Variants in DGKB observed in about 807,000 individuals in gnomAD.
The protein encoded by DGKB is diacylglycerol kinase beta, also known as 90 kDa diacylglycerol kinase.
DGKB carries 67 observed loss-of-function variants against 114.3 expected under a neutral mutation model. That is an observed-to-expected ratio of 0.59 (90% CI 0.48 to 0.72). DGKB has a LOEUF of 0.72. DGKB is among the 30% of genes least tolerant of loss of function. DGKB has a pLI of 0.00. For synonymous variants in DGKB, 398 were observed against 323.1 expected (o/e 1.23, Z -2.49); for missense variants, 907 against 975.2 (o/e 0.93, Z 0.93).
In DGKB at chr7:14,698,044, G is replaced by T. The variant is rs75232226; in HGVS notation, c.591+51C>A. The T allele has an allele frequency of 5.2e-3, 4,854 of 934,250 alleles. 165 individuals are homozygous for T. In the African/African-American group the frequency reaches 0.074, roughly 14 times the overall value. The allele number at this position is 934,250 out of a possible 1,614,324, so 57.9% of individuals were successfully genotyped here. On this transcript the variant is annotated intron_variant, in intron 8 of 25. Transcript: ENST00000402815. ...GAAAGAAAGAAAGAAAGAAAAGAAA[G>T]AAAGAGGCCTTCCAGAATTTAGCCA...
chr7:14,583,074 C>G lies in DGKB; in HGVS notation c.1497G>C (p.Val499=). ...RVLACGGDGT[V]GWVLDCIEKA... ...TACCTATGCAATCCAAAACCCAGCC[C>G]ACGGTTCCATCTCCACCACAGGCTA... The change falls in exon 18 of 26, where the codon GTG becomes GTC. Residue 499 remains valine, a synonymous_variant. Coordinates refer to ENST00000402815, the MANE Select transcript of DGKB (RefSeq NM_001350709.2). 1 of 1,613,302 alleles carries G rather than the reference C, an allele frequency of 6.2e-7. No individual in the cohort carries two copies. The highest frequency in any genetic ancestry group is 1.3e-5 in the African/African-American group (1 of 74,954).
intron 1 of DGKB, among the ~76,000 whole-genome samples, chr7:14,900,495 T>C (rs924792006): frequency 2.6e-5 from 4 of 152,126 alleles, no homozygotes; most frequent in African/African-American, 9.7e-5. Context: ...GATCACATCA[T>C]AGTCGTTATC....
intron 21 of DGKB, among the ~76,000 whole-genome samples, chr7:14,461,656 A>G (rs1833098565): frequency 1.3e-5 from 2 of 152,198 alleles, no homozygotes; most frequent in Non-Finnish European, 2.9e-5. Context: ...ACAGATTCAC[A>G]GCCGAATTCT....
chr7:14,666,142 A>G (rs1177323781), intron 13 of DGKB, among the ~76,000 whole-genome samples: 1 of 152,074 alleles, frequency 6.6e-6, no homozygotes, highest in African/African-American at 2.4e-5. Flanking sequence ...CATGATGGCA[A>G]CGACACATGA....
chr7:14,658,253 T>C (rs1188991242), intron 13 of DGKB, among the ~76,000 whole-genome samples: 1 of 151,938 alleles, frequency 6.6e-6, no homozygotes, highest in Non-Finnish European at 1.5e-5. Flanking sequence ...ACTGGGACCA[T>C]TTTAAGTTTC....
rs190470064 is a variant in DGKB, at chr7:14,639,884, C to G, written c.1135-9616G>C. On this transcript the variant is annotated intron_variant, in intron 13 of 25. Transcript: ENST00000402815. Reference sequence around the variant, plus strand: ...GTGCAATTCGATTTAGTAAGGATAGCAAGAACAATTTCATATCCATGTTAC... The same window carrying G: ...GTGCAATTCGATTTAGTAAGGATAGGAAGAACAATTTCATATCCATGTTAC... 2.0e-3 allele frequency among the ~76,000 whole-genome samples: 304 copies of G among 152,248 alleles called. 5 individuals carry two copies. Among genetic ancestry groups the G allele is most frequent in the Admixed American group, 1.6e-3 (25 of 15,286 alleles).
chr7:14,259,407 C>CTCTATA (rs1422240054), intron 23 of DGKB, among the ~76,000 whole-genome samples: 3 of 108,166 alleles, frequency 2.8e-5, no homozygotes, highest in African/African-American at 6.5e-5. Context: ...CTCTCTCTCT[C>CTCTATA]TATATATATA....
chr7:14,687,074 A>C (rs1821831555), intron 9 of DGKB, among the ~76,000 whole-genome samples: 1 of 152,128 alleles, frequency 6.6e-6, no homozygotes. Flanking sequence ...AGGGTTTCCA[A>C]AACGTGATGC....
At chr7:14,592,579 A>T (rs943828821) in intron 17 of DGKB, among the ~76,000 whole-genome samples, 4 of 151,958 alleles carry the variant, frequency 2.6e-5, no homozygotes, top group African/African-American at 9.7e-5. Context: ...TAGAAAACCA[A>T]TTTTTAATAA....
intron 2 of DGKB, among the ~76,000 whole-genome samples, chr7:14,813,847 C>A (rs1232726062): frequency 2.0e-5 from 3 of 151,992 alleles, no homozygotes; most frequent in African/African-American, 7.2e-5. Context: ...TTGGTGTTAT[C>A]TGAAAACTAA....
At chr7:14,269,102 A>C (rs920934022) in intron 23 of DGKB, 5 of 152,252 alleles carry the variant, frequency 3.3e-5, no homozygotes, top group African/African-American at 1.2e-4. Flanking sequence ...TCAGTCCCTC[A>C]GAGGCTATCG....
intron 23 of DGKB, among the ~76,000 whole-genome samples, chr7:14,330,721 A>G (rs1015766814): frequency 6.6e-6 from 1 of 151,982 alleles, no homozygotes; most frequent in Non-Finnish European, 1.5e-5. Flanking sequence ...ATTGTCATCT[A>G]GTGGCTCAGT....
At chr7:14,784,367 C>CTTTT (rs1216046590) in intron 2 of DGKB, among the ~76,000 whole-genome samples, 7 of 129,210 alleles carry the variant, frequency 5.4e-5, no homozygotes, top group Admixed American at 7.8e-5. Flanking sequence ...AAATTATATG[C>CTTTT]TTTTTTTTTT....
Position 14,573,369 on chromosome 7 carries a change from T to C in DGKB, c.1770+843A>G, listed in dbSNP as rs1234869664. Among the ~76,000 whole-genome samples, 3 of 152,014 alleles carry C rather than the reference T, an allele frequency of 2.0e-5. No individual in the cohort carries two copies. The East Asian group carries it at 5.8e-4, about 29-fold the overall frequency. Reference sequence around the variant, plus strand: ...TAAATAAATAGATACTGAGATTAAATAATTTGCTTAAAGACTTTTACCCAG... The same window carrying C: ...TAAATAAATAGATACTGAGATTAAACAATTTGCTTAAAGACTTTTACCCAG... On this transcript the variant is annotated intron_variant, in intron 20 of 25. Transcript: ENST00000402815.
At chr7:14,413,448 G>A (rs973736324) in intron 21 of DGKB, among the ~76,000 whole-genome samples, 1 of 152,152 alleles carries the variant, frequency 6.6e-6, no homozygotes, top group African/African-American at 2.4e-5. Flanking sequence ...AGATGCCAAT[G>A]TGGTAGTTGG....
At position 14,682,555 on chromosome 7, in the gene DGKB, T is replaced by C. The variant is rs768437182; in HGVS notation, c.1033A>G (p.Thr345Ala). 1 of 1,608,248 alleles carries C rather than the reference T, an allele frequency of 6.2e-7. No individual in the cohort carries two copies. Among genetic ancestry groups the C allele is most frequent in the Non-Finnish European group, 8.5e-7 (1 of 1,174,912 alleles). The part of the protein sequence containing the change: ...TGLHCVWCQI[T>A]LHNKCASHLK... The stretch of plus-strand genomic sequence containing the variant: ...TTTGTTTTCCAATTTTTACTCACTG[T>C]GATCTGACACCAAACACAATGCAGT... Residue 345 changes from threonine to alanine, a missense_variant and splice_region_variant, in exon 12 of 26, where the codon ACA (threonine) becomes GCA (alanine). Around this residue, in one of 3 missense-constraint regions of DGKB, gnomAD observed 814 missense variants for 856.6 expected, o/e 0.95. Coordinates refer to ENST00000402815, the MANE Select transcript of DGKB (RefSeq NM_001350709.2).
At chr7:14,553,693 A>G (rs766977996) in intron 20 of DGKB, among the ~76,000 whole-genome samples, 45 of 152,246 alleles carry the variant, frequency 3.0e-4, no homozygotes, top group Middle Eastern at 3.4e-3. Flanking sequence ...TACATTGAAT[A>G]ATGCTATGAA....
At chr7:14,330,286 G>A (rs570241234) in intron 23 of DGKB, among the ~76,000 whole-genome samples, 2 of 151,642 alleles carry the variant, frequency 1.3e-5, no homozygotes, top group African/African-American at 2.4e-5. Context: ...TTCAAAATGC[G>A]ACTGGTACTA....
chr7:14,672,740 G>A (rs1276510750), intron 13 of DGKB, among the ~76,000 whole-genome samples, 189 bp downstream of exon 13: 5 of 152,078 alleles, frequency 3.3e-5, no homozygotes, highest in Non-Finnish European at 7.4e-5. Flanking sequence ...TCTAGAAAGC[G>A]TATTTTGACA....
Sources: gnomAD v4.1 joint callset for allele counts (sites outside exome capture counted in the v4.1 genomes callset) on GRCh38, gnomAD v4.1.1 for gene constraint, gnomAD v4.1.1 regional missense constraint, MANE v1.5 for transcripts, NCBI Gene and HGNC (gene_info 2026-07-23, HGNC 2026-07-21) for gene names.